The following ST18 variants were observed in gnomAD, a reference collection of about 807,000 sequenced individuals.
The protein encoded by ST18 is ST18 C2H2C-type zinc finger transcription factor.
A neutral mutation model predicts 110.0 loss-of-function variants in ST18; 50 were observed. The observed-to-expected ratio is 0.45, with a 90% CI of 0.36 to 0.58. The LOEUF is 0.58. Ranked by LOEUF, ST18 falls within the 20% of genes least tolerant of loss-of-function variation. The pLI, the probability that ST18 is intolerant of heterozygous loss-of-function variation, is 0.00. For synonymous variants in ST18, 461 were observed against 452.4 expected, an observed-to-expected ratio of 1.02 and a Z score of -0.24; for missense variants, 1,306 against 1,280.1, an observed-to-expected ratio of 1.02 and a Z score of -0.31.
chr8:52,357,680 T>A (rs1177149162), intron 2 of ST18, among the ~76,000 whole-genome samples: 31 of 14,922 alleles, frequency 2.1e-3, no homozygotes, highest in Middle Eastern at 0.042. Context: ...TCTATAAATA[T>A]ATATATATAT....
intron 2 of ST18, among the ~76,000 whole-genome samples, chr8:52,377,303 C>G: frequency 6.6e-6 from 1 of 152,166 alleles, no homozygotes; most frequent in East Asian, 1.9e-4. Flanking sequence ...ATGCTTCTAC[C>G]TATAACTGAT....
chr8:52,196,751 G>A (rs535183435), intron 8 of ST18, among the ~76,000 whole-genome samples: 1 of 152,118 alleles, frequency 6.6e-6, no homozygotes, highest in Non-Finnish European at 1.5e-5. Context: ...ATAGGGTTTG[G>A]TACTAGCTGA....
Position 52,344,138 on chromosome 8 carries a change from G to C in ST18, c.-465+65190C>G, listed in dbSNP as rs1816525187. Among the ~76,000 whole-genome samples, 3 of 152,172 alleles carry C rather than the reference G, an allele frequency of 2.0e-5. No homozygotes were observed. The South Asian group carries it at 6.2e-4, about 32-fold the overall frequency. Reference sequence around the variant, plus strand: ...CAATTTAAATTTAGTCAGAACTTTTGTTATTATCAAAAAGTTATTAAGACT... The same window carrying C: ...CAATTTAAATTTAGTCAGAACTTTTCTTATTATCAAAAAGTTATTAAGACT... On this transcript the variant is annotated intron_variant, in intron 2 of 25. Transcript: ENST00000689386.
At chr8:52,399,168 G>C (rs1842108709) in intron 2 of ST18, among the ~76,000 whole-genome samples, 1 of 151,824 alleles carries the variant, frequency 6.6e-6, no homozygotes, top group Non-Finnish European at 1.5e-5. Flanking sequence ...ATCTTGGTAG[G>C]TTATATTTTT....
chr8:52,387,061 C>T (rs1837069089), intron 2 of ST18, among the ~76,000 whole-genome samples: 1 of 152,122 alleles, frequency 6.6e-6, no homozygotes, highest in Non-Finnish European at 1.5e-5. Context: ...ACTAAATTTA[C>T]AGATAATTTC....
chr8:52,234,428 C>A (rs1006465769), intron 2 of ST18, among the ~76,000 whole-genome samples: 2 of 152,004 alleles, frequency 1.3e-5, no homozygotes, highest in Non-Finnish European at 2.9e-5. Context: ...CCGCACCCGG[C>A]TATTTTTTGT....
intron 2 of ST18, among the ~76,000 whole-genome samples, chr8:52,308,121 T>G (rs889296172): frequency 2.6e-5 from 4 of 152,236 alleles, no homozygotes; most frequent in African/African-American, 9.6e-5. Flanking sequence ...TGAATGAGCA[T>G]GCATCAAACT....
intron 9 of ST18, among the ~76,000 whole-genome samples, chr8:52,178,227 C>T (rs1414281471): frequency 6.6e-6 from 1 of 152,140 alleles, no homozygotes; most frequent in Non-Finnish European, 1.5e-5. Context: ...TTCTTAAACA[C>T]TTGGCAAATT....
intron 2 of ST18, among the ~76,000 whole-genome samples, chr8:52,291,130 A>G (rs1330845456): frequency 1.3e-5 from 2 of 152,240 alleles, no homozygotes; most frequent in African/African-American, 4.8e-5. Context: ...TTTTCCCACC[A>G]CAGTATGAGC....
chr8:52,131,541 T>C (rs1162025947), intron 22 of ST18, among the ~76,000 whole-genome samples: 2 of 152,164 alleles, frequency 1.3e-5, no homozygotes, highest in Admixed American at 6.6e-5. Flanking sequence ...TAACTACAAT[T>C]TTGCCCCCAA....
chr8:52,169,805 C>G (rs2064185687), intron 10 of ST18, among the ~76,000 whole-genome samples: 1 of 152,194 alleles, frequency 6.6e-6, no homozygotes. Flanking sequence ...GTTTTGCTGA[C>G]TAGCCTGCCT....
At chr8:52,366,109 G>T (rs970794717) in intron 2 of ST18, among the ~76,000 whole-genome samples, 2 of 152,138 alleles carry the variant, frequency 1.3e-5, no homozygotes, top group South Asian at 2.1e-4. Flanking sequence ...GAATCATTCC[G>T]CTGTGAGGGG....
intron 16 of ST18, among the ~76,000 whole-genome samples, chr8:52,148,491 G>T (rs376243617): frequency 8.9e-4 from 136 of 152,214 alleles, no homozygotes; most frequent in African/African-American, 3.2e-3. Flanking sequence ...GTGCCTGTGC[G>T]TGCTACTCTG....
At chr8:52,128,844 G>A (rs1479859531) in intron 22 of ST18, among the ~76,000 whole-genome samples, 2 of 152,086 alleles carry the variant, frequency 1.3e-5, no homozygotes, top group African/African-American at 2.4e-5. Flanking sequence ...AATAACTATA[G>A]CTCACAGGGT....
In ST18 at chr8:52,268,507, CTATT is replaced by C. The variant is rs559768820; in HGVS notation, c.-464-38434_-464-38431del. Among the ~76,000 whole-genome samples the C allele has an allele frequency of 2.0e-3, 290 of 144,506 alleles. 1 individual carries two copies. Among genetic ancestry groups the C allele is most frequent in the Middle Eastern group, 0.01 (3 of 292 alleles). The allele number at this position is 144,506 out of a possible 152,430, so 94.8% of individuals were successfully genotyped here. On this transcript the variant is annotated intron_variant, in intron 2 of 25. Transcript: ENST00000689386. ...TCTATCTATCTATCTATCTATCTAT[CTATT>C]TATCTATCTATCTTACTATCTATCA...
intron 3 of ST18, among the ~76,000 whole-genome samples, chr8:52,223,406 G>A (rs554773545): frequency 1.4e-4 from 22 of 152,332 alleles, no homozygotes; most frequent in African/African-American, 5.1e-4. Flanking sequence ...CACTTTGGGA[G>A]GCCGAGGCGG....
rs1450275426 is a variant in ST18, at chr8:52,303,941, A to G, written c.-464-73864T>C. Among the ~76,000 whole-genome samples, 6 of 152,288 alleles carry G rather than the reference A, an allele frequency of 3.9e-5. No individual in the cohort carries two copies. The South Asian group carries it at 8.3e-4, about 21-fold the overall frequency. On this transcript the variant is annotated intron_variant, in intron 2 of 25. Transcript: ENST00000689386. ...CCAAGGAGTTAATTTCCTGATTTTCATGGTAATTTACTATATTGTGATTAC... is the reference window on the plus strand; with the variant it reads ...CCAAGGAGTTAATTTCCTGATTTTCGTGGTAATTTACTATATTGTGATTAC...
At chr8:52,200,858 C>A (rs2135462672) in intron 8 of ST18, among the ~76,000 whole-genome samples, 1 of 152,306 alleles carries the variant, frequency 6.6e-6, no homozygotes, top group African/African-American at 2.4e-5. Flanking sequence ...GTGGGTATAT[C>A]AATTCATGGC....
At chr8:52,179,308 A>T (rs2134142440) in intron 9 of ST18, among the ~76,000 whole-genome samples, 1 of 152,358 alleles carries the variant, frequency 6.6e-6, no homozygotes, top group South Asian at 2.1e-4. Context: ...GGGAAAAAAG[A>T]AATCCTAAAG....
Sources: allele counts gnomAD v4.1 joint callset (sites outside exome capture counted in the v4.1 genomes callset), GRCh38; gene constraint gnomAD v4.1.1; transcripts MANE v1.5; gene names NCBI Gene and HGNC (gene_info 2026-07-23, HGNC 2026-07-21).